The following PLCD1 variants were observed in gnomAD, a reference collection of about 807,000 sequenced individuals.
PLCD1 encodes 1-phosphatidylinositol 4,5-bisphosphate phosphodiesterase delta-1.
A neutral mutation model predicts 87.4 loss-of-function variants in PLCD1; 71 were observed. The ratio of observed to expected loss-of-function variants is 0.81; its 90% confidence interval spans 0.67 to 0.99. PLCD1 has a LOEUF of 0.99. PLCD1 is among the 50% of genes least tolerant of loss of function. PLCD1 has a pLI of 0.00. For missense variants in PLCD1, 867 were observed against 1,001.5 expected, an observed-to-expected ratio of 0.87 and a Z score of 1.81; for synonymous variants, 348 against 399.2, an observed-to-expected ratio of 0.87 and a Z score of 1.53.
Position 38,008,144 on chromosome 3 carries a change from G to T in PLCD1, c.2055C>A (p.Asp685Glu). Residue 685 changes from aspartate (D) to glutamate (E), a missense_variant, in exon 14 of 15, where the codon GAC (aspartate) becomes GAA (glutamate). Asp to Glu is a conservative substitution (Grantham distance 45). Coordinates refer to ENST00000334661, the MANE Select transcript of PLCD1 (RefSeq NM_006225.4). ...CAACTACCTCAAACGCAAACTCCGT[G>T]TCCCACCATGGGTTGAAACCTAGGG... ...ITNNGFNPWW[D>E]TEFAFEVVVP... 3.1e-6 allele frequency: 5 copies of T among 1,613,906 alleles called. No individual in the cohort carries two copies. Among genetic ancestry groups the T allele is most frequent in the Non-Finnish European group, 4.2e-6 (5 of 1,180,024 alleles).
At chr3:38,012,572 A>G (rs1700096942) in intron 3 of PLCD1, among the ~76,000 whole-genome samples, 1 of 149,890 alleles carries the variant, frequency 6.7e-6, no homozygotes, top group Non-Finnish European at 1.5e-5. Flanking sequence ...GCTAGAGTAC[A>G]CTGGCGCGAT....
intron 1 of PLCD1, chr3:38,024,664 G>T (rs1370450074): frequency 1.3e-6 from 2 of 1,513,850 alleles, no homozygotes; most frequent in Non-Finnish European, 1.8e-6. Flanking sequence ...GTAGTCAGAC[G>T]CTAGGAGGCG....
rs1434244130 is a variant in PLCD1 at position 38,025,832 on chromosome 3, C to T, written c.34+3674G>A. ...ACCACCCAGAGGCCTGACTCTTACTCTCAGCCTCTGAATAGTTCCCCCAGT... is the reference window on the plus strand; with the variant it reads ...ACCACCCAGAGGCCTGACTCTTACTTTCAGCCTCTGAATAGTTCCCCCAGT... On this transcript the variant is annotated intron_variant, in intron 1 of 14. Transcript: ENST00000334661. The surrounding 1 kb of genome is among the most constrained non-coding windows in gnomAD (Gnocchi z 4.0). 1.3e-5 allele frequency among the ~76,000 whole-genome samples: 2 copies of T among 152,214 alleles called. No individual in the cohort carries two copies. The highest frequency in any genetic ancestry group is 2.4e-5 in the African/African-American group (1 of 41,442).
chr3:38,007,916 AG>A (rs572337423), intron 14 of PLCD1, 58 bp from the exon 15 acceptor site: 44 of 1,604,778 alleles, frequency 2.7e-5, no homozygotes, highest in South Asian at 1.4e-4. Flanking sequence ...TCGGCGGCGG[AG>A]GGGGGGTGGA....
intron 3 of PLCD1, among the ~76,000 whole-genome samples, chr3:38,016,049 C>T (rs753376482): frequency 3.9e-5 from 6 of 152,142 alleles, no homozygotes; most frequent in African/African-American, 4.8e-5. Context: ...ATTGTATACC[C>T]CACCCCCCAA....
Position 38,010,003 on chromosome 3 carries a change from C to T in PLCD1, c.1188G>A (p.Glu396=). ...ILSLENHCTL[E]QQRVMARHLH... ...GGTGCCGCGCCATCACGCGCTGCTG[C>T]TCCAGTGTGCAGTGGTTCTCCAGGG... is the stretch of plus-strand genomic sequence containing the variant. The change falls in exon 8 of 15, where the codon GAG becomes GAA. Residue 396 remains glutamate (E), a synonymous_variant. Transcript: ENST00000334661. The T allele has an allele frequency of 6.2e-7, 1 of 1,614,150 alleles. No individual in the cohort carries two copies. Among genetic ancestry groups the T allele is most frequent in the South Asian group, 1.1e-5 (1 of 91,090 alleles).
Position 38,009,946 on chromosome 3 carries a change from G to C in PLCD1, c.1245C>G (p.Asn415Lys). 1.2e-6 allele frequency: 2 copies of C among 1,613,416 alleles called. No homozygotes were observed. Among genetic ancestry groups the C allele is most frequent in the Non-Finnish European group, 1.7e-6 (2 of 1,179,572 alleles). Residue 415 changes from asparagine to lysine, a missense_variant, in exon 8 of 15, where the codon AAC becomes AAG. Coordinates refer to ENST00000334661, the MANE Select transcript of PLCD1 (RefSeq NM_006225.4). ...TGTTGGTGACCCCATCCAGTGGTCG[G>C]TTCAACAGCATGGGGCCCAGGATGG... Reference protein sequence around the residue: ...LHAILGPMLLNRPLDGVTNSL... With the variant: ...LHAILGPMLLKRPLDGVTNSL...
chr3:38,024,533 G>T, intron 1 of PLCD1: 1 of 1,516,076 alleles, frequency 6.6e-7, no homozygotes, highest in Non-Finnish European at 8.8e-7. Context: ...TCCGGGGGGC[G>T]GAACTGTCGC....
intron 5 of PLCD1, 126 bp from the exon 6 acceptor site, chr3:38,010,688 G>A: frequency 1.4e-6 from 1 of 733,932 alleles, no homozygotes; most frequent in Non-Finnish European, 2.3e-6. Flanking sequence ...GTCTTCCAGA[G>A]CTCTTGGAAT....
At chr3:38,020,687 C>CA (rs1200159586) in intron 1 of PLCD1, among the ~76,000 whole-genome samples, 1 of 152,186 alleles carries the variant, frequency 6.6e-6, no homozygotes, top group African/African-American at 2.4e-5. Flanking sequence ...CCTAGAGGAC[C>CA]AGCCCCCTAA....
intron 1 of PLCD1, among the ~76,000 whole-genome samples, chr3:38,021,011 G>A (rs971348648): frequency 6.6e-6 from 1 of 152,134 alleles, no homozygotes; most frequent in African/African-American, 2.4e-5. Context: ...CCACCTCAAA[G>A]GGAAGTTCTA....
At chr3:38,024,462 G>T (rs1700279957) in intron 1 of PLCD1, 5 of 1,599,472 alleles carry the variant, frequency 3.1e-6, no homozygotes, top group Non-Finnish European at 4.3e-6. Context: ...TGCCTGCGCG[G>T]AGCCGGGTCC....
Position 38,009,376 on chromosome 3 carries a change from C to T in PLCD1, c.1502G>A (p.Ser501Asn). The change falls in exon 10 of 15, where the codon AGT becomes AAT. Residue 501 changes from serine to asparagine, a missense_variant. Transcript: ENST00000334661. ...ELSDMVIYCKSVHFGGFSSPG... is the reference protein window; with the variant it reads ...ELSDMVIYCKNVHFGGFSSPG... The stretch of plus-strand genomic sequence containing the variant: ...ACTGGAGAAGCCCCCAAAGTGGACA[C>T]TCTTGCAGTAAATGACCATGTCAGA... 4 of 1,614,172 alleles carry T rather than the reference C, an allele frequency of 2.5e-6. No homozygotes were observed. The South Asian group carries it at 4.4e-5, about 18-fold the overall frequency.
At chr3:38,024,839 G>A in intron 1 of PLCD1, 1 of 837,876 alleles carries the variant, frequency 1.2e-6, no homozygotes, top group African/African-American at 1.8e-5. Flanking sequence ...GGCCATCCAA[G>A]AGGGGTGGGA....
rs745844815 is a variant in PLCD1, at chr3:38,008,098, G to T, written c.2101C>A (p.Arg701Ser). 1 of 1,614,106 alleles carries T rather than the reference G, an allele frequency of 6.2e-7. No homozygotes were observed. The highest frequency in any genetic ancestry group is 1.1e-5 in the South Asian group (1 of 91,068). ...EVVVPDLALI[R>S]FLVEDYDASS... is the part of the protein sequence containing the mutation. ...GCATCATAATCTTCCACCAAGAAGC[G>T]GATGAGGGCAAGGTCAGGCACAACT... The change falls in exon 14 of 15, where the codon CGC becomes AGC. Residue 701 changes from arginine (R) to serine (S), a missense_variant. Coordinates refer to ENST00000334661, the MANE Select transcript of PLCD1 (RefSeq NM_006225.4).
Position 38,010,143 on chromosome 3 carries a change from G to A in PLCD1, c.1125C>T (p.Asp375=), listed in dbSNP as rs748982570. ...GGGGCACTCCCACCTTGAAGGCATAGTCCCGGATGGCCCTGAGCACATCGC... is the reference window on the plus strand; with the variant it reads ...GGGGCACTCCCACCTTGAAGGCATAATCCCGGATGGCCCTGAGCACATCGC... ...LFCDVLRAIR[D]YAFKASPYPV... is the part of the protein sequence containing the mutation. The change falls in exon 7 of 15, where the codon GAC becomes GAT. Residue 375 remains aspartate (D), a synonymous_variant. Coordinates refer to ENST00000334661, the MANE Select transcript of PLCD1 (RefSeq NM_006225.4). The A allele has an allele frequency of 6.2e-7, 1 of 1,614,248 alleles. No homozygotes were observed.
intron 1 of PLCD1, among the ~76,000 whole-genome samples, chr3:38,028,806 A>T (rs908259717): frequency 1.3e-5 from 2 of 152,194 alleles, no homozygotes; most frequent in Non-Finnish European, 2.9e-5. Context: ...CTGGAGGGAC[A>T]GCGAAAGGGC....
intron 1 of PLCD1, chr3:38,024,321 G>C: frequency 6.2e-7 from 1 of 1,608,878 alleles, no homozygotes; most frequent in Middle Eastern, 1.7e-4. Flanking sequence ...ATCTCGGAGT[G>C]CTCTGCGCCC....
chr3:38,007,692 G>A lies in PLCD1; in HGVS notation c.*81C>T. ...GGCCTAGCTCTGAGCAAGAGGCTGG[G>A]AGCAGCCACACCAGCCCTGTCCCCA... On this transcript the variant is annotated 3_prime_UTR_variant, in exon 15 of 15. Coordinates refer to ENST00000334661, the MANE Select transcript of PLCD1 (RefSeq NM_006225.4). The A allele has an allele frequency of 9.4e-7, 1 of 1,067,824 alleles. No homozygotes were observed. Among genetic ancestry groups the A allele is most frequent in the Non-Finnish European group, 1.4e-6 (1 of 689,944 alleles). The allele number at this position is 1,067,824 out of a possible 1,614,324, so 66.1% of individuals were successfully genotyped here.
Sources: gnomAD v4.1 joint callset for allele counts (sites outside exome capture counted in the v4.1 genomes callset) on GRCh38, gnomAD v4.1.1 for gene constraint, Gnocchi (gnomAD v3.1) non-coding constraint, MANE v1.5 for transcripts, NCBI Gene and HGNC (gene_info 2026-07-23, HGNC 2026-07-21) for gene names.